The following PITPNM3 variants were observed in gnomAD, a reference collection of about 807,000 sequenced individuals.
PITPNM3 encodes PITPNM family member 3.
Under a neutral mutation model 102.0 loss-of-function variants are expected in PITPNM3, and 26 were observed. That is an observed-to-expected ratio of 0.25 (90% confidence interval 0.19 to 0.35). PITPNM3 has a LOEUF of 0.35. PITPNM3 is among the 10% of genes least tolerant of loss of function. The pLI is 1.00. For missense variants in PITPNM3, 1,083 were observed against 1,346.1 expected, an observed-to-expected ratio of 0.80 and a Z score of 3.06; for synonymous variants, 578 against 558.6, an observed-to-expected ratio of 1.03 and a Z score of -0.49.
rs1252733408 is a variant in PITPNM3, at chr17:6,535,685, A to G, written c.118+2302T>C. Reference sequence around the variant, plus strand: ...TGTAATCCCAGCACTTTGGGAGGCCAAGGCAGGCAGATCACTTGAGGTAAG... The same window carrying G: ...TGTAATCCCAGCACTTTGGGAGGCCGAGGCAGGCAGATCACTTGAGGTAAG... On this transcript the variant is annotated intron_variant, in intron 2 of 19. Coordinates refer to ENST00000262483, the MANE Select transcript of PITPNM3 (RefSeq NM_031220.4). 3.5e-4 allele frequency among the ~76,000 whole-genome samples: 53 copies of G among 152,142 alleles called. 2 individuals carry two copies. The East Asian group carries it at 7.6e-3, about 22-fold the overall frequency.
In PITPNM3 at chr17:6,469,840, T is replaced by C. The variant is rs1904973839; in HGVS notation, c.1773+420A>G. Among the ~76,000 whole-genome samples, 1 of 152,178 alleles carries C rather than the reference T, an allele frequency of 6.6e-6. No homozygotes were observed. Among genetic ancestry groups the C allele is most frequent in the Non-Finnish European group, 1.5e-5 (1 of 68,012 alleles). ...TGACCTTGGCCATCACGGCTGTTCA[T>C]GAACATCATGACCCCTACCAGCTCC... On this transcript the variant is annotated intron_variant, in intron 13 of 19. Transcript: ENST00000262483. The surrounding 1 kb of genome is among the most constrained non-coding windows in gnomAD (Gnocchi z 4.0).
At position 6,459,067 on chromosome 17, in the gene PITPNM3, G is replaced by A. The variant is rs907941; in HGVS notation, c.2491-1345C>T. 0.48 allele frequency among the ~76,000 whole-genome samples: 72,843 copies of A among 151,834 alleles called. 17,980 individuals are homozygous for A. The highest frequency in any genetic ancestry group is 0.66 in the Middle Eastern group (194 of 294). ...TCAGAGGATGGAGCAGCCCCTCTTCGTCTGGCCCTTCCACCTTCTCATTCA... is the reference window on the plus strand; with the variant it reads ...TCAGAGGATGGAGCAGCCCCTCTTCATCTGGCCCTTCCACCTTCTCATTCA... On this transcript the variant is annotated intron_variant, in intron 18 of 19. Coordinates refer to ENST00000262483, the MANE Select transcript of PITPNM3 (RefSeq NM_031220.4). This position sits in a 1 kb window ranked among gnomAD's most constrained non-coding sequence, Gnocchi z 5.0.
intron 3 of PITPNM3, among the ~76,000 whole-genome samples, chr17:6,508,621 C>T (rs1907683508): frequency 6.6e-6 from 1 of 152,140 alleles, no homozygotes; most frequent in South Asian, 2.1e-4. Context: ...GAGAAGGGGA[C>T]ATTTGCAAGG....
intron 1 of PITPNM3, among the ~76,000 whole-genome samples, chr17:6,552,762 CTTTT>C (rs34225911): frequency 2.2e-5 from 2 of 89,010 alleles, no homozygotes; most frequent in African/African-American, 4.4e-5. Context: ...CTTTCTTTTT[CTTTT>C]TTTTTTTTTT....
rs139682450 is a variant in PITPNM3 at position 6,516,827 on chromosome 17, C to A, written c.226+8529G>T. 4.2e-3 allele frequency among the ~76,000 whole-genome samples: 635 copies of A among 151,646 alleles called. 39 individuals carry two copies. The East Asian group carries it at 0.1, about 25-fold the overall frequency. On this transcript the variant is annotated intron_variant, in intron 3 of 19. Coordinates refer to ENST00000262483, the MANE Select transcript of PITPNM3 (RefSeq NM_031220.4). ...GGCTGATCACTTGAGGCCAGGAGTT[C>A]GAGACCAGCCTGGGCAACATGTTGA... is the stretch of plus-strand genomic sequence containing the variant.
At chr17:6,551,494 A>C (rs1910298085) in intron 1 of PITPNM3, among the ~76,000 whole-genome samples, 1 of 152,174 alleles carries the variant, frequency 6.6e-6, no homozygotes, top group Non-Finnish European at 1.5e-5. Context: ...CCGTCCCAAG[A>C]TACACAGTAG....
intron 2 of PITPNM3, among the ~76,000 whole-genome samples, chr17:6,528,802 AACACAC>A (rs35605575): frequency 2.0e-5 from 3 of 150,504 alleles, no homozygotes; most frequent in African/African-American, 4.9e-5. Flanking sequence ...AAGCAACAAG[AACACAC>A]ACACACACAC....
intron 4 of PITPNM3, 50 bp downstream of exon 4, chr17:6,503,477 G>C (rs778549453): frequency 6.3e-7 from 1 of 1,587,186 alleles, no homozygotes; most frequent in Admixed American, 1.7e-5. Context: ...CAATGAGCTT[G>C]CACCCATCCA....
At chr17:6,545,116 T>A (rs773701716) in intron 1 of PITPNM3, among the ~76,000 whole-genome samples, 1 of 152,120 alleles carries the variant, frequency 6.6e-6, no homozygotes, top group African/African-American at 2.4e-5. Context: ...CAATTCGTGA[T>A]CTTACTAAAT....
At chr17:6,536,265 G>A (rs1038328562) in intron 2 of PITPNM3, among the ~76,000 whole-genome samples, 11 of 152,244 alleles carry the variant, frequency 7.2e-5, no homozygotes, top group African/African-American at 2.2e-4. Context: ...TCTCAGGGAC[G>A]GCAGGTGAGC....
intron 2 of PITPNM3, among the ~76,000 whole-genome samples, chr17:6,527,027 C>T (rs1908870338): frequency 6.6e-6 from 1 of 152,168 alleles, no homozygotes; most frequent in Non-Finnish European, 1.5e-5. Context: ...GACCAGGTTC[C>T]AGTGCAGATC....
intron 3 of PITPNM3, among the ~76,000 whole-genome samples, chr17:6,524,959 C>G (rs945773687): frequency 1.3e-5 from 2 of 152,132 alleles, no homozygotes; most frequent in African/African-American, 4.8e-5. Context: ...CACTGCTGTC[C>G]TTCTCTCTCC....
At position 6,506,661 on chromosome 17, in the gene PITPNM3, C is replaced by T. The variant is rs111864313; in HGVS notation, c.227-3087G>A. On this transcript the variant is annotated intron_variant, in intron 3 of 19. Coordinates refer to ENST00000262483, the MANE Select transcript of PITPNM3 (RefSeq NM_031220.4). ...CTGGGATTACAGGCGTGAGCCACCG[C>T]GCCCGGCCAGTGTTTTCTATTTGCT... Among the ~76,000 whole-genome samples, 1,421 of 152,302 alleles carry T rather than the reference C, an allele frequency of 9.3e-3. 16 individuals are homozygous for T. The highest frequency in any genetic ancestry group is 0.033 in the African/African-American group (1,354 of 41,562).
intron 3 of PITPNM3, among the ~76,000 whole-genome samples, chr17:6,511,025 T>C (rs771316022): frequency 6.6e-6 from 1 of 152,228 alleles, no homozygotes; most frequent in Non-Finnish European, 1.5e-5. Context: ...GAATCAGAGA[T>C]AACCTTGGTA....
At chr17:6,511,356 T>A (rs1392929128) in intron 3 of PITPNM3, among the ~76,000 whole-genome samples, 1 of 152,166 alleles carries the variant, frequency 6.6e-6, no homozygotes, top group African/African-American at 2.4e-5. Flanking sequence ...CTCCTCCAGA[T>A]CCCTAGAAAA....
At chr17:6,546,271 G>A (rs1910015985) in intron 1 of PITPNM3, among the ~76,000 whole-genome samples, 1 of 152,214 alleles carries the variant, frequency 6.6e-6, no homozygotes, top group Admixed American at 6.5e-5. Context: ...GACACGCCAG[G>A]AGCCCTGGAA....
chr17:6,535,141 T>C (rs939298826), intron 2 of PITPNM3, among the ~76,000 whole-genome samples: 1 of 151,990 alleles, frequency 6.6e-6, no homozygotes, highest in Non-Finnish European at 1.5e-5. Context: ...GAGTTGGAAC[T>C]GTTGAGGCCA....
Position 6,461,307 on chromosome 17 carries a change from G to T in PITPNM3, c.2490+66C>A, listed in dbSNP as rs1316654459. ...GGCCCCACCCGGGAGGAGGGAGATGGGGAGCGGTGGAGAGGAGGGCTGCGC... is the reference window on the plus strand; with the variant it reads ...GGCCCCACCCGGGAGGAGGGAGATGTGGAGCGGTGGAGAGGAGGGCTGCGC... On this transcript the variant is annotated intron_variant, in intron 18 of 19. Transcript: ENST00000262483. 5 of 1,548,764 alleles carry T rather than the reference G, an allele frequency of 3.2e-6. No individual in the cohort carries two copies. The African/African-American group carries it at 4.1e-5, about 13-fold the overall frequency.
chr17:6,460,973 G>GTCACAGAAAGCACATCTGGC (rs59563199), intron 18 of PITPNM3: 513 of 321,018 alleles, frequency 1.6e-3, no homozygotes, highest in African/African-American at 0.01. Context: ...GCACATCTGG[G>GTCACAGAAAGCACATCTGGC]TCACAGAAAG....
Sources: allele counts gnomAD v4.1 joint callset (sites outside exome capture counted in the v4.1 genomes callset), GRCh38; gene constraint gnomAD v4.1.1; non-coding constraint Gnocchi (gnomAD v3.1); transcripts MANE v1.5; gene names NCBI Gene and HGNC (gene_info 2026-07-23, HGNC 2026-07-21).